The following NEDD4L variants were observed in gnomAD, a reference collection of about 807,000 sequenced individuals.
NEDD4L encodes the protein E3 ubiquitin-protein ligase NEDD4-like.
Under a neutral mutation model 148.9 loss-of-function variants are expected in NEDD4L, and 54 were observed. The observed-to-expected ratio is 0.36, with a 90% CI of 0.29 to 0.45. The LOEUF is 0.45. Ranked by LOEUF, NEDD4L falls within the 20% of genes least tolerant of loss-of-function variation. The pLI, the probability that NEDD4L is intolerant of heterozygous loss-of-function variation, is 1.00. For synonymous variants in NEDD4L, 433 were observed against 440.7 expected, an observed-to-expected ratio of 0.98 and a Z score of 0.22; for missense variants, 856 against 1,233.8, an observed-to-expected ratio of 0.69 and a Z score of 4.59.
At chr18:58,180,576 T>C (rs1407851659) in intron 2 of NEDD4L, among the ~76,000 whole-genome samples, 1 of 152,162 alleles carries the variant, frequency 6.6e-6, no homozygotes, top group Non-Finnish European at 1.5e-5. Context: ...TGGCTGAATC[T>C]CTCCTCCTTT....
chr18:58,194,065 T>A (rs1338019655), intron 2 of NEDD4L: 1 of 152,304 alleles, frequency 6.6e-6, no homozygotes, highest in East Asian at 1.9e-4. Flanking sequence ...CCGCTGTCGT[T>A]AGTGGCCTGA....
intron 1 of NEDD4L, chr18:58,046,263 C>G (rs550868819): frequency 6.6e-6 from 1 of 152,262 alleles, no homozygotes; most frequent in South Asian, 2.1e-4. Context: ...GGCTTCTCCT[C>G]TCCCTCCTGG....
chr18:58,062,969 CAG>C (rs2082397884), intron 1 of NEDD4L, among the ~76,000 whole-genome samples: 1 of 103,732 alleles, frequency 9.6e-6, no homozygotes. Flanking sequence ...GCCTGGGCGA[CAG>C]AGCGAAACTC....
At position 58,312,537 on chromosome 18, in the gene NEDD4L, A is replaced by G. The variant is rs140047669; in HGVS notation, c.298-3445A>G. Among the ~76,000 whole-genome samples the G allele has an allele frequency of 2.6e-3, 403 of 152,278 alleles. 8 individuals are homozygous for G. Among genetic ancestry groups the G allele is most frequent in the Middle Eastern group, 0.014 (4 of 294 alleles). On this transcript the variant is annotated intron_variant, in intron 5 of 30. Transcript: ENST00000400345. ...GGGGCCCACAGGCAGGATCCCACACACTAGCACACCTCCCAGTTCCTCTTA... is the reference window on the plus strand; with the variant it reads ...GGGGCCCACAGGCAGGATCCCACACGCTAGCACACCTCCCAGTTCCTCTTA...
At chr18:58,080,570 GA>G (rs1209413877) in intron 1 of NEDD4L, among the ~76,000 whole-genome samples, 1 of 152,212 alleles carries the variant, frequency 6.6e-6, no homozygotes, top group African/African-American at 2.4e-5. Context: ...TATTGCTATA[GA>G]GAGCAGGGCC....
chr18:58,380,654 A>G (rs1315215685), intron 24 of NEDD4L, among the ~76,000 whole-genome samples: 3 of 152,146 alleles, frequency 2.0e-5, no homozygotes, highest in Non-Finnish European at 1.5e-5. Context: ...TACACATGCC[A>G]TCGTGGTTTG....
At chr18:58,206,124 C>T (rs2041959223) in intron 2 of NEDD4L, among the ~76,000 whole-genome samples, 1 of 152,202 alleles carries the variant, frequency 6.6e-6, no homozygotes, top group Non-Finnish European at 1.5e-5. Context: ...CGCGGTGGCT[C>T]ATCCCTGTAA....
chr18:58,374,926 G>A (rs1841546982), intron 24 of NEDD4L, among the ~76,000 whole-genome samples: 1 of 152,086 alleles, frequency 6.6e-6, no homozygotes, highest in African/African-American at 2.4e-5. Flanking sequence ...CTTATCTCAG[G>A]CCGGCGTCTG....
chr18:58,349,842 G>T (rs1296337026), intron 17 of NEDD4L, among the ~76,000 whole-genome samples: 1 of 152,240 alleles, frequency 6.6e-6, no homozygotes, highest in Non-Finnish European at 1.5e-5. Flanking sequence ...GCTTCTAGCA[G>T]AAGATAGACC....
chr18:58,302,755 A>G (rs1250152914), intron 5 of NEDD4L, among the ~76,000 whole-genome samples: 1 of 152,234 alleles, frequency 6.6e-6, no homozygotes, highest in Admixed American at 6.5e-5. Flanking sequence ...ACCCTTGTCC[A>G]GGGAAGGATT....
chr18:58,364,670 T>C (rs1047194899), intron 20 of NEDD4L, among the ~76,000 whole-genome samples: 2 of 152,214 alleles, frequency 1.3e-5, no homozygotes, highest in Non-Finnish European at 2.9e-5. Flanking sequence ...TGCGCAGTTA[T>C]CATATTTAAT....
chr18:58,084,676 T>TGGGTGGGTGG (rs200866642), intron 1 of NEDD4L, among the ~76,000 whole-genome samples: 9 of 145,736 alleles, frequency 6.2e-5, no homozygotes, highest in Non-Finnish European at 9.1e-5. Context: ...GGTTTTTGTG[T>TGGGTGGGTGG]GTGTGTGTGT....
chr18:58,081,461 C>T (rs867155301), intron 1 of NEDD4L, among the ~76,000 whole-genome samples: 27 of 151,946 alleles, frequency 1.8e-4, no homozygotes, highest in Admixed American at 1.5e-3. Flanking sequence ...CTGATCCACC[C>T]GCCTTGGCCT....
intron 1 of NEDD4L, among the ~76,000 whole-genome samples, chr18:58,080,204 G>T (rs979211484): frequency 6.6e-6 from 1 of 152,230 alleles, no homozygotes; most frequent in African/African-American, 2.4e-5. Context: ...GATTAAAGGT[G>T]TGAGCCACTG....
rs539403309 is a variant in NEDD4L at position 58,173,210 on chromosome 18, C to T, written c.122+7349C>T. Among the ~76,000 whole-genome samples the T allele has an allele frequency of 2.0e-5, 3 of 152,276 alleles. No individual in the cohort carries two copies. In the South Asian group the frequency reaches 6.2e-4, roughly 32 times the overall value. On this transcript the variant is annotated intron_variant, in intron 2 of 30. Transcript: ENST00000400345. ...ATGCAACTTTTTAAACCTAACTCCC[C>T]TCCCTTTTTCTCTTTAATTATGATC...
chr18:58,344,896 A>G (rs2042856461), intron 16 of NEDD4L, among the ~76,000 whole-genome samples: 1 of 152,236 alleles, frequency 6.6e-6, no homozygotes, highest in Admixed American at 6.5e-5. Flanking sequence ...TGGCTTGCCA[A>G]CATAAGCTAT....
intron 2 of NEDD4L, among the ~76,000 whole-genome samples, chr18:58,203,863 G>A (rs1599671100): frequency 6.6e-6 from 1 of 152,052 alleles, no homozygotes; most frequent in Non-Finnish European, 1.5e-5. Context: ...ATTTATAAGG[G>A]CATAATTAGA....
intron 1 of NEDD4L, among the ~76,000 whole-genome samples, chr18:58,131,362 G>A (rs184461892): frequency 3.4e-5 from 5 of 147,114 alleles, no homozygotes; most frequent in Non-Finnish European, 5.9e-5. Context: ...AACTGTGGTG[G>A]TGTTGGGCTC....
chr18:58,330,704 C>G, intron 10 of NEDD4L, 34 bp from the exon 11 acceptor site: 1 of 1,413,832 alleles, frequency 7.1e-7, no homozygotes, highest in East Asian at 2.4e-5. Context: ...CTACTTCTTT[C>G]TAGTGTTTAC....
Sources: allele counts gnomAD v4.1 joint callset (sites outside exome capture counted in the v4.1 genomes callset), GRCh38; gene constraint gnomAD v4.1.1; transcripts MANE v1.5; gene names NCBI Gene and HGNC (gene_info 2026-07-23, HGNC 2026-07-21).